Variants in STK11IP observed in about 807,000 individuals in gnomAD.
STK11IP encodes the protein serine/threonine-protein kinase 11-interacting protein.
In STK11IP, 103 loss-of-function variants were observed where a neutral mutation model predicts 131.7. That is an observed-to-expected ratio of 0.78 (90% confidence interval 0.67 to 0.92). STK11IP has a LOEUF of 0.92. Among genes scored for constraint, STK11IP ranks in the 40% least tolerant of loss-of-function variants. STK11IP has a pLI of 0.00. For synonymous variants in STK11IP, 557 were observed against 575.6 expected, an observed-to-expected ratio of 0.97 and a Z score of 0.46; for missense variants, 1,315 against 1,385.7, an observed-to-expected ratio of 0.95 and a Z score of 0.81.
Position 219,605,775 on chromosome 2 carries a change from G to C in STK11IP, c.745+41G>C, listed in dbSNP as rs142038059. Reference sequence around the variant, plus strand: ...TGATGGGGCAAGCATGGAGGGGAAGGGGGAGAGTGAGGCTGGGGCTGGCCT... The same window carrying C: ...TGATGGGGCAAGCATGGAGGGGAAGCGGGAGAGTGAGGCTGGGGCTGGCCT... On this transcript the variant is annotated intron_variant, in intron 8 of 24. Transcript: ENST00000456909. The C allele has an allele frequency of 3.8e-6, 6 of 1,585,204 alleles. No homozygotes were observed. The East Asian group carries it at 6.8e-5, about 18-fold the overall frequency.
chr2:219,614,031 A>G, intron 21 of STK11IP, 101 bp downstream of exon 21: 1 of 1,498,384 alleles, frequency 6.7e-7, no homozygotes, highest in Non-Finnish European at 9.0e-7. Flanking sequence ...ACAGAGAGGT[A>G]ACAGGACTTG....
intron 3 of STK11IP, 67 bp from the exon 4 acceptor site, chr2:219,601,574 G>A: frequency 1.3e-6 from 2 of 1,558,200 alleles, no homozygotes; most frequent in Non-Finnish European, 1.7e-6. Context: ...GTTGTGCTAA[G>A]GAAGGAATGT....
At chr2:219,609,238 C>T in intron 16 of STK11IP, 25 bp downstream of exon 16, 2 of 1,578,820 alleles carry the variant, frequency 1.3e-6, no homozygotes, top group Non-Finnish European at 8.6e-7. Context: ...AGTGGGGGCC[C>T]AGGAGGCTGT....
intron 17 of STK11IP, 122 bp from the exon 18 acceptor site, chr2:219,611,482 G>C: frequency 1.2e-6 from 1 of 821,990 alleles, no homozygotes; most frequent in Admixed American, 2.0e-5. Context: ...CGGTGGTTGT[G>C]TATGAAGCTG....
chr2:219,600,064 T>G (rs1302450315), intron 2 of STK11IP, among the ~76,000 whole-genome samples: 18 of 128,524 alleles, frequency 1.4e-4, no homozygotes, highest in African/African-American at 3.9e-4. Context: ...TTTTTGTTTT[T>G]TTTTTTTTTT....
At chr2:219,609,616 G>A (rs1396219434) in intron 17 of STK11IP, 76 bp downstream of exon 17, 3 of 1,521,392 alleles carry the variant, frequency 2.0e-6, no homozygotes, top group African/African-American at 1.4e-5. Context: ...GTAGGGGAGT[G>A]TGAAGGGGGA....
intron 1 of STK11IP, 78 bp downstream of exon 1, chr2:219,598,001 T>C (rs1416344129): frequency 1.9e-6 from 3 of 1,590,508 alleles, no homozygotes; most frequent in Non-Finnish European, 2.6e-6. Context: ...TCTCGCCTTT[T>C]TCTCCGCATG....
rs1428890815 is a variant in STK11IP at position 219,606,270 on chromosome 2, G to A, written c.925G>A (p.Ala309Thr). The change falls in exon 10 of 25, where the codon GCC becomes ACC. Residue 309 changes from alanine (A) to threonine (T), a missense_variant. Ala to Thr is a moderately conservative substitution (Grantham distance 58). Transcript: ENST00000456909. The part of the protein sequence containing the change: ...AATAQYLSPR[A>T]RDAATGFLLD... Reference sequence around the variant, plus strand: ...CACTGCCCAGTACTTGTCACCCCGGGCCAGGGATGCTGCTACTGGCGTGAG... The same window carrying A: ...CACTGCCCAGTACTTGTCACCCCGGACCAGGGATGCTGCTACTGGCGTGAG... 1 of 1,569,092 alleles carries A rather than the reference G, an allele frequency of 6.4e-7. No individual in the cohort carries two copies. The highest frequency in any genetic ancestry group is 2.4e-5 in the East Asian group (1 of 42,128).
chr2:219,604,151 G>C (rs1306682711), intron 7 of STK11IP, among the ~76,000 whole-genome samples: 1 of 152,166 alleles, frequency 6.6e-6, no homozygotes, highest in Non-Finnish European at 1.5e-5. Flanking sequence ...ACTTTTCCCA[G>C]GCAGGAGCTT....
At chr2:219,608,994 A>G (rs1698298075) in intron 15 of STK11IP, 103 bp from the exon 16 acceptor site, 1 of 1,092,952 alleles carries the variant, frequency 9.1e-7, no homozygotes, top group Admixed American at 2.2e-5. Flanking sequence ...CAGGCCTTTG[A>G]CAGGCTTCAG....
At chr2:219,606,352 C>T (rs1482746102) in intron 10 of STK11IP, 62 bp downstream of exon 10, 6 of 1,542,404 alleles carry the variant, frequency 3.9e-6, no homozygotes, top group East Asian at 2.4e-5. Context: ...CCCCACCTTG[C>T]ACCCTCTTGC....
At chr2:219,610,593 G>A (rs891862227) in intron 17 of STK11IP, among the ~76,000 whole-genome samples, 7 of 152,050 alleles carry the variant, frequency 4.6e-5, no homozygotes, top group African/African-American at 1.7e-4. Flanking sequence ...TAGTAGAGAT[G>A]GGGTTTCACC....
At chr2:219,598,237 C>A in intron 2 of STK11IP, 57 bp downstream of exon 2, 1 of 1,321,998 alleles carries the variant, frequency 7.6e-7, no homozygotes, top group South Asian at 1.4e-5. Context: ...GGGGGTGGTG[C>A]TTTCTGGAGA....
chr2:219,611,491 TG>T, intron 17 of STK11IP, 112 bp from the exon 18 acceptor site: 1 of 900,754 alleles, frequency 1.1e-6, no homozygotes, highest in Non-Finnish European at 1.8e-6. Context: ...TGTATGAAGC[TG>T]GAGGCTTGGG....
At position 219,598,213 on chromosome 2, in the gene STK11IP, A is replaced by G. The variant is rs187287414; in HGVS notation, c.61+33A>G. ...GACTTCCGGTTGGGCTGGGCCTCGG[A>G]CCTCGGACGAGGTGGGGGTGGTGCT... On this transcript the variant is annotated intron_variant, in intron 2 of 24. Coordinates refer to ENST00000456909, the MANE Select transcript of STK11IP (RefSeq NM_052902.4). 2.4e-5 allele frequency: 36 copies of G among 1,490,320 alleles called. No homozygotes were observed. In the East Asian group the frequency reaches 6.6e-4, roughly 27 times the overall value. 92.3% of individuals were successfully genotyped at this position (1,490,320 alleles called of 1,614,324 possible).
chr2:219,605,988 G>A lies in STK11IP; in HGVS notation c.778G>A (p.Asp260Asn), dbSNP rs149218768. The change falls in exon 9 of 25, where the codon GAT becomes AAT. Residue 260 changes from aspartate to asparagine, a missense_variant. By Grantham distance (23) the Asp-to-Asn change is conservative (BLOSUM62 1). Transcript: ENST00000456909. ...LEQLRNLRHL[D>N]LAYNLLEGHR... is the part of the protein sequence containing the mutation. ...GCAGCTGAGGAATCTGCGGCACCTG[G>A]ATTTGGCATACAACCTGCTGGAAGG... The A allele has an allele frequency of 4.1e-3, 6,645 of 1,609,062 alleles. 26 individuals are homozygous for A. Among genetic ancestry groups the A allele is most frequent in the Middle Eastern group, 5.4e-3 (33 of 6,060 alleles).
intron 20 of STK11IP, 128 bp from the exon 21 acceptor site, chr2:219,613,624 G>T: frequency 9.9e-7 from 1 of 1,008,302 alleles, no homozygotes; most frequent in Non-Finnish European, 1.5e-6. Context: ...GAATGAGGGG[G>T]AAGATGGGGT....
At position 219,608,748 on chromosome 2, in the gene STK11IP, T is replaced by C. The variant is rs1351167689; in HGVS notation, c.1769T>C (p.Ile590Thr). 6.2e-7 allele frequency: 1 copy of C among 1,611,464 alleles called. No individual in the cohort carries two copies. The highest frequency in any genetic ancestry group is 1.3e-5 in the African/African-American group (1 of 74,856). The change falls in exon 15 of 25, where the codon ATA becomes ACA. Residue 590 changes from isoleucine to threonine, a missense_variant. Ile to Thr is a moderately conservative substitution (Grantham distance 89, BLOSUM62 -1). Transcript: ENST00000456909. ...LELQSLEAAE[I>T]EPEAQAQRSP... ...CTCCAGAGTCTGGAGGCAGCTGAGATAGAGCCGGAGGCCCAGGCCCAGAGG... is the reference window on the plus strand; with the variant it reads ...CTCCAGAGTCTGGAGGCAGCTGAGACAGAGCCGGAGGCCCAGGCCCAGAGG...
chr2:219,601,778 G>A, intron 4 of STK11IP, 63 bp downstream of exon 4: 1 of 1,536,978 alleles, frequency 6.5e-7, no homozygotes, highest in South Asian at 1.2e-5. Flanking sequence ...CTTGGGGATG[G>A]GAAAGAGAAG....
Sources: gnomAD v4.1 joint callset for allele counts (sites outside exome capture counted in the v4.1 genomes callset) on GRCh38, gnomAD v4.1.1 for gene constraint, MANE v1.5 for transcripts, NCBI Gene and HGNC (gene_info 2026-07-23, HGNC 2026-07-21) for gene names.